Variants in KHDC1 observed in about 807,000 individuals in gnomAD.
KHDC1 encodes KH domain containing 1, also known as KH homology domain-containing protein 1.
KHDC1 carries 21 observed loss-of-function variants against 24.7 expected under a neutral mutation model. The ratio of observed to expected loss-of-function variants is 0.85; its 90% CI spans 0.60 to 1.23. The LOEUF (loss-of-function observed/expected upper bound fraction) is 1.23, where lower values mean the gene tolerates loss of function less well. KHDC1 is among the 50% of genes most tolerant of loss of function. The pLI, the probability that KHDC1 is intolerant of heterozygous loss-of-function variation, is 0.00. For missense variants in KHDC1, 274 were observed against 298.5 expected (o/e 0.92, Z 0.61); for synonymous variants, 98 against 111.7 (o/e 0.88, Z 0.77).
At chr6:73,250,999 A>G (rs1210555239) in intron 2 of KHDC1, among the ~76,000 whole-genome samples, 1 of 151,968 alleles carries the variant, frequency 6.6e-6, no homozygotes, top group East Asian at 1.9e-4. Flanking sequence ...TAATTTTTGT[A>G]TTTTTAGTAG....
chr6:73,290,639 C>T, intron 2 of KHDC1: 3 of 502,892 alleles, frequency 6.0e-6, no homozygotes, highest in Non-Finnish European at 1.2e-5. Flanking sequence ...TGTGTCATAT[C>T]CTGCAGGAAT....
intron 2 of KHDC1, chr6:73,291,881 T>G: frequency 9.0e-7 from 1 of 1,108,044 alleles, no homozygotes; most frequent in South Asian, 1.4e-5. Context: ...AATACATTCA[T>G]GTAACAAGCC....
intron 1 of KHDC1, chr6:73,300,816 T>C (rs1767860890): frequency 6.6e-6 from 1 of 152,196 alleles, no homozygotes; most frequent in Non-Finnish European, 1.5e-5. Flanking sequence ...TTCCTTAGAA[T>C]TAAGCCAGTG....
At chr6:73,262,708 C>T in intron 2 of KHDC1, 66 bp downstream of exon 1, 1 of 983,918 alleles carries the variant, frequency 1.0e-6, no homozygotes, top group South Asian at 4.7e-5. Context: ...GCTCACTTTC[C>T]TTATCTGTAA....
chr6:73,259,518 TCTC>T (rs1766941157), intron 2 of KHDC1, among the ~76,000 whole-genome samples: 1 of 152,174 alleles, frequency 6.6e-6, no homozygotes, highest in African/African-American at 2.4e-5. Flanking sequence ...TCTTCTTACT[TCTC>T]CTTGAGAGGA....
At chr6:73,247,916 G>A (rs1766698235) in intron 2 of KHDC1, among the ~76,000 whole-genome samples, 1 of 150,816 alleles carries the variant, frequency 6.6e-6, no homozygotes, top group East Asian at 2.0e-4. Context: ...CTTGCAAGAA[G>A]GAGATTCAGT....
chr6:73,279,719 A>G (rs955524848), intron 2 of KHDC1, among the ~76,000 whole-genome samples: 16 of 151,422 alleles, frequency 1.1e-4, no homozygotes, highest in African/African-American at 3.6e-4. Context: ...AACTTGGACT[A>G]TAGGCACCCA....
At chr6:73,286,996 G>A (rs1233236071) in intron 2 of KHDC1, among the ~76,000 whole-genome samples, 1 of 152,056 alleles carries the variant, frequency 6.6e-6, no homozygotes, top group Non-Finnish European at 1.5e-5. Context: ...GGAAATAACA[G>A]TGGCCCACAC....
At chr6:73,306,727 A>T (rs1767970970) in intron 1 of KHDC1, among the ~76,000 whole-genome samples, 1 of 152,100 alleles carries the variant, frequency 6.6e-6, no homozygotes, top group Non-Finnish European at 1.5e-5. Context: ...ATTTTCACTT[A>T]GCTGGGCGTG....
intron 1 of KHDC1, among the ~76,000 whole-genome samples, chr6:73,308,797 G>GT (rs1368173853): frequency 6.6e-6 from 1 of 151,990 alleles, no homozygotes; most frequent in Non-Finnish European, 1.5e-5. Context: ...ACCCGGTAGA[G>GT]TTTTTTGCTG....
At chr6:73,259,131 G>T (rs1428338325) in intron 2 of KHDC1, among the ~76,000 whole-genome samples, 1 of 152,156 alleles carries the variant, frequency 6.6e-6, no homozygotes, top group Non-Finnish European at 1.5e-5. Context: ...GCTCTTAAGG[G>T]AACCTGGTGG....
At chr6:73,285,640 CTTTTTTTTCTTT>C (rs1158965099) in intron 2 of KHDC1, among the ~76,000 whole-genome samples, 1 of 140,300 alleles carries the variant, frequency 7.1e-6, no homozygotes, top group African/African-American at 2.8e-5. Context: ...GGCCCATTTT[CTTTTTTTTCTTT>C]TTTTTTTTTT....
chr6:73,278,950 C>G (rs1393002861), intron 2 of KHDC1, among the ~76,000 whole-genome samples: 1 of 152,170 alleles, frequency 6.6e-6, no homozygotes, highest in Non-Finnish European at 1.5e-5. Context: ...AATACATTCT[C>G]TCACACTTGG....
exon 5 of KHDC1, chr6:73,241,483 A>T: frequency 6.3e-7 from 1 of 1,584,732 alleles, no homozygotes; most frequent in Non-Finnish European, 8.7e-7. Flanking sequence ...AGTGAAGCCA[A>T]GATTTCTCCT....
At chr6:73,287,475 A>G (rs192403736) in intron 2 of KHDC1, among the ~76,000 whole-genome samples, 42 of 152,346 alleles carry the variant, frequency 2.8e-4, no homozygotes, top group African/African-American at 8.7e-4. Flanking sequence ...CTAGATGATT[A>G]GGCTGGAAGC....
intron 2 of KHDC1, among the ~76,000 whole-genome samples, chr6:73,253,928 A>G (rs1378653586): frequency 6.6e-6 from 1 of 152,034 alleles, no homozygotes; most frequent in East Asian, 1.9e-4. Flanking sequence ...CAACAACAAT[A>G]ACAACAACAA....
At chr6:73,282,370 A>C (rs562839351) in intron 2 of KHDC1, among the ~76,000 whole-genome samples, 58 of 152,252 alleles carry the variant, frequency 3.8e-4, no homozygotes, top group African/African-American at 1.3e-3. Context: ...CATAACTGAG[A>C]GTGAAAGAGA....
At chr6:73,244,185 T>C (rs1424031045) in intron 2 of KHDC1, among the ~76,000 whole-genome samples, 2 of 152,162 alleles carry the variant, frequency 1.3e-5, no homozygotes, top group Admixed American at 1.3e-4. Context: ...CATATTACGC[T>C]AGATAAGTTT....
intron 1 of KHDC1, among the ~76,000 whole-genome samples, chr6:73,307,621 C>T (rs926122770): frequency 7.2e-5 from 11 of 152,122 alleles, no homozygotes; most frequent in Admixed American, 2.0e-4. Context: ...AGCAGGCTTT[C>T]CGCAAGCAAC....
Sources: gnomAD v4.1 joint callset for allele counts (sites outside exome capture counted in the v4.1 genomes callset) on GRCh38, gnomAD v4.1.1 for gene constraint, MANE v1.5 for transcripts, NCBI Gene and HGNC (gene_info 2026-07-23, HGNC 2026-07-21) for gene names.